LUC7L2: variants seen among roughly 807,000 people sequenced by gnomAD.
LUC7L2 encodes LUC7 like 2, pre-mRNA splicing factor.
LUC7L2 carries 25 observed loss-of-function variants against 52.8 expected under a neutral mutation model. That is an observed-to-expected ratio of 0.47 (90% CI 0.34 to 0.66). The LOEUF (loss-of-function observed/expected upper bound fraction) is 0.66, where lower values mean the gene tolerates loss of function less well. Among genes scored for constraint, LUC7L2 ranks in the 30% least tolerant of loss-of-function variants. The pLI, the probability that LUC7L2 is intolerant of heterozygous loss-of-function variation, is 0.01. For missense variants in LUC7L2, 328 were observed against 497.8 expected (o/e 0.66, Z 3.25); for synonymous variants, 144 against 160.9 (o/e 0.89, Z 0.80).
At chr7:139,349,612 G>C in intron 1 of LUC7L2, among the ~76,000 whole-genome samples, 1 of 78,642 alleles carries the variant, frequency 1.3e-5, no homozygotes. Flanking sequence ...AATGTCAACT[G>C]CTCCCCCCCC....
At chr7:139,414,244 T>A (rs768530740) in intron 8 of LUC7L2, among the ~76,000 whole-genome samples, 15 of 152,222 alleles carry the variant, frequency 9.9e-5, no homozygotes, top group Non-Finnish European at 1.8e-4. Context: ...TTCATCTCAT[T>A]CATATGAGAA....
chr7:139,348,074 A>C (rs749437740), intron 1 of LUC7L2, among the ~76,000 whole-genome samples: 4 of 152,176 alleles, frequency 2.6e-5, no homozygotes, highest in Non-Finnish European at 1.5e-5. Flanking sequence ...TTACTTTGGT[A>C]AGAGTGAAGA....
chr7:139,381,878 A>ATTTTT (rs57302073), intron 2 of LUC7L2, among the ~76,000 whole-genome samples: 5 of 105,170 alleles, frequency 4.8e-5, no homozygotes, highest in Admixed American at 1.3e-4. Flanking sequence ...GCCTGGCCTA[A>ATTTTT]TTTTTTTTTT....
rs577832636 is a variant in LUC7L2 at position 139,362,425 on chromosome 7, A to T, written c.61+2103A>T. On this transcript the variant is annotated intron_variant, in intron 1 of 9. Coordinates refer to ENST00000354926, the MANE Select transcript of LUC7L2 (RefSeq NM_016019.5). ...ACAGTCAACTTCAAGTTACCCAGGG[A>T]TAGGGGAACATGGAAACGTCCCCTG... Among the ~76,000 whole-genome samples the T allele has an allele frequency of 2.0e-5, 3 of 152,162 alleles. No individual in the cohort carries two copies. The East Asian group carries it at 5.8e-4, about 29-fold the overall frequency.
intron 2 of LUC7L2, among the ~76,000 whole-genome samples, chr7:139,382,481 C>G (rs925477699): frequency 2.6e-5 from 4 of 151,820 alleles, no homozygotes; most frequent in Admixed American, 6.6e-5. Context: ...CTCCTGAGTT[C>G]GAGTGATTTT....
intron 2 of LUC7L2, among the ~76,000 whole-genome samples, chr7:139,378,359 A>C (rs1359093212): frequency 6.6e-6 from 1 of 152,066 alleles, no homozygotes; most frequent in Non-Finnish European, 1.5e-5. Flanking sequence ...ACTTGAGGCC[A>C]GGAGTTTGAG....
rs756661866 is a variant in LUC7L2, at chr7:139,422,377, A to G, written c.*37A>G. The G allele has an allele frequency of 3.2e-6, 5 of 1,577,950 alleles. No homozygotes were observed. The highest frequency in any genetic ancestry group is 2.4e-5 in the South Asian group (2 of 84,418). ...CATTTCTTCAGTCCTTAAGCTTCCT[A>G]CGGAGTTACGTACTATTGTTTAGTT... On this transcript the variant is annotated 3_prime_UTR_variant, in exon 10 of 10. Transcript: ENST00000354926.
At chr7:139,397,266 C>A (rs1311637877) in intron 2 of LUC7L2, among the ~76,000 whole-genome samples, 1 of 152,182 alleles carries the variant, frequency 6.6e-6, no homozygotes, top group African/African-American at 2.4e-5. Flanking sequence ...TTTGCTTCTC[C>A]CTCTTTAGAT....
At chr7:139,354,029 T>C (rs1336036372) in intron 1 of LUC7L2, among the ~76,000 whole-genome samples, 5 of 151,244 alleles carry the variant, frequency 3.3e-5, no homozygotes, top group Admixed American at 1.3e-4. Context: ...GGCAGGAGAA[T>C]TACTTGAACC....
intron 4 of LUC7L2, among the ~76,000 whole-genome samples, chr7:139,402,668 G>A (rs1179317224): frequency 1.3e-5 from 2 of 152,156 alleles, no homozygotes; most frequent in African/African-American, 4.8e-5. Flanking sequence ...GATTACAGGT[G>A]TGCGTCACCA....
At chr7:139,419,130 CA>C (rs571694948) in intron 9 of LUC7L2, among the ~76,000 whole-genome samples, 10 of 139,332 alleles carry the variant, frequency 7.2e-5, no homozygotes, top group East Asian at 4.1e-4. Context: ...AAAAAACAAA[CA>C]AAAAAAAAAA....
chr7:139,372,576 G>A (rs542657217), intron 1 of LUC7L2, among the ~76,000 whole-genome samples: 9 of 151,840 alleles, frequency 5.9e-5, no homozygotes, highest in African/African-American at 1.9e-4. Flanking sequence ...AATTCCTGAA[G>A]TACTACCTAA....
intron 2 of LUC7L2, among the ~76,000 whole-genome samples, chr7:139,387,944 T>C (rs1331055663): frequency 6.6e-6 from 1 of 152,146 alleles, no homozygotes; most frequent in Non-Finnish European, 1.5e-5. Context: ...CCAAACTGAT[T>C]TACTTATTGT....
At chr7:139,408,753 A>C (rs1398800897) in intron 6 of LUC7L2, among the ~76,000 whole-genome samples, 1 of 151,116 alleles carries the variant, frequency 6.6e-6, no homozygotes, top group Middle Eastern at 3.2e-3. Flanking sequence ...GAGGCAGGAG[A>C]ATCACTTGAA....
At chr7:139,355,837 A>G (rs1328294969), upstream of LUC7L2, among the ~76,000 whole-genome samples, 5 of 152,212 alleles carry the variant, frequency 3.3e-5, no homozygotes, top group African/African-American at 1.2e-4. Context: ...AGAATTTCCT[A>G]AATTGACAAA....
chr7:139,353,548 A>C (rs915915134), intron 1 of LUC7L2, among the ~76,000 whole-genome samples: 1 of 152,106 alleles, frequency 6.6e-6, no homozygotes. Context: ...CTACACTTAA[A>C]ATTTTTGCTT....
chr7:139,407,986 C>T (rs1266640998), intron 6 of LUC7L2, among the ~76,000 whole-genome samples: 1 of 152,076 alleles, frequency 6.6e-6, no homozygotes, highest in East Asian at 1.9e-4. Context: ...ATCTATTTAC[C>T]TTTTAATATG....
chr7:139,387,163 C>T (rs1794238765), intron 2 of LUC7L2, among the ~76,000 whole-genome samples: 1 of 151,914 alleles, frequency 6.6e-6, no homozygotes, highest in East Asian at 1.9e-4. Context: ...AATACATGGT[C>T]TCATAAACTT....
intron 2 of LUC7L2, chr7:139,392,207 A>T (rs1794475789): frequency 1.2e-5 from 2 of 163,810 alleles, no homozygotes; most frequent in African/African-American, 4.8e-5. Context: ...TTTTATAATT[A>T]TTTCACTCTT....
Sources: allele counts gnomAD v4.1 joint callset (sites outside exome capture counted in the v4.1 genomes callset), GRCh38; gene constraint gnomAD v4.1.1; transcripts MANE v1.5; gene names NCBI Gene and HGNC (gene_info 2026-07-23, HGNC 2026-07-21).